Variants in PRKCE observed in about 807,000 individuals in gnomAD.
The protein encoded by PRKCE is protein kinase C epsilon.
In PRKCE, 16 loss-of-function variants were observed where a neutral mutation model predicts 85.4. That is an observed-to-expected ratio of 0.19 (90% CI 0.13 to 0.28). The LOEUF (loss-of-function observed/expected upper bound fraction) is 0.28. Among genes scored for constraint, PRKCE ranks in the 10% least tolerant of loss-of-function variants. The pLI is 1.00. For synonymous variants in PRKCE, 388 were observed against 371.5 expected (o/e 1.04, Z -0.51); for missense variants, 573 against 975.2 (o/e 0.59, Z 5.49).
At chr2:45,679,968 G>A (rs1676760343) in intron 1 of PRKCE, among the ~76,000 whole-genome samples, 1 of 152,212 alleles carries the variant, frequency 6.6e-6, no homozygotes, top group Non-Finnish European at 1.5e-5. Flanking sequence ...ATTTCATGAT[G>A]TTAGATCTGG....
At position 45,651,899 on chromosome 2, in the gene PRKCE, G is replaced by T. The variant is rs566684209; in HGVS notation, c.-202G>T. ...CAGCTCTCCCCCCTCCCTGTTTTCC[G>T]TTAGGAACCCGGCGAGGAAATACAT... is the stretch of plus-strand genomic sequence containing the variant. On this transcript the variant is annotated 5_prime_UTR_variant, in exon 1 of 15. Transcript: ENST00000306156. The T allele has an allele frequency of 2.9e-5, 14 of 489,358 alleles. No individual in the cohort carries two copies. The Admixed American group carries it at 4.1e-4, about 14-fold the overall frequency. 30.3% of individuals were successfully genotyped at this position (489,358 alleles called of 1,614,324 possible). A position where few individuals can be genotyped will look rare whatever the true frequency, so the allele number is the denominator to read the frequency against.
At chr2:45,872,832 G>T (rs928589822) in intron 2 of PRKCE, among the ~76,000 whole-genome samples, 8 of 152,206 alleles carry the variant, frequency 5.3e-5, no homozygotes, top group African/African-American at 1.9e-4. Flanking sequence ...AAATGGCTGT[G>T]GTGTTGGGGT....
intron 1 of PRKCE, among the ~76,000 whole-genome samples, chr2:45,696,058 T>G (rs1337284851): frequency 1.3e-5 from 2 of 151,670 alleles, no homozygotes; most frequent in South Asian, 2.1e-4. Context: ...TCATTTAGCA[T>G]TAGGTATATC....
At chr2:46,146,445 T>A (rs928637421) in intron 12 of PRKCE, among the ~76,000 whole-genome samples, 1 of 152,020 alleles carries the variant, frequency 6.6e-6, no homozygotes, top group Non-Finnish European at 1.5e-5. Flanking sequence ...CTAAAGGGAG[T>A]GATAGATAAG....
intron 5 of PRKCE, among the ~76,000 whole-genome samples, chr2:45,983,820 C>T (rs1574113594): frequency 1.3e-5 from 2 of 152,268 alleles, no homozygotes; most frequent in East Asian, 3.9e-4. Flanking sequence ...CCACAGTTTC[C>T]ACAACATTGT....
chr2:45,862,838 G>A (rs190254068), intron 2 of PRKCE, among the ~76,000 whole-genome samples: 72 of 152,338 alleles, frequency 4.7e-4, no homozygotes, highest in Non-Finnish European at 7.8e-4. Context: ...ATAATCACCT[G>A]CGCAGGGTGC....
At chr2:45,917,812 G>T (rs534127162) in intron 2 of PRKCE, among the ~76,000 whole-genome samples, 1 of 152,348 alleles carries the variant, frequency 6.6e-6, no homozygotes, top group South Asian at 2.1e-4. Flanking sequence ...CCCGAGCCCT[G>T]CCCCGCGGGA....
At chr2:45,669,617 G>T (rs988365308) in intron 1 of PRKCE, among the ~76,000 whole-genome samples, 2 of 152,236 alleles carry the variant, frequency 1.3e-5, no homozygotes, top group African/African-American at 4.8e-5. Flanking sequence ...ATCAGTTTCA[G>T]GGAGGGCAGG....
chr2:46,022,285 A>T (rs995322050), intron 10 of PRKCE, among the ~76,000 whole-genome samples: 19 of 152,288 alleles, frequency 1.2e-4, no homozygotes, highest in African/African-American at 4.3e-4. Context: ...GGGAGTTTCA[A>T]CTACATGACC....
intron 10 of PRKCE, among the ~76,000 whole-genome samples, chr2:46,047,224 C>T (rs1708580134): frequency 6.6e-6 from 1 of 152,140 alleles, no homozygotes; most frequent in Non-Finnish European, 1.5e-5. Context: ...TTGAACTGCC[C>T]TCCTTGTCTG....
chr2:45,672,358 CCATT>C (rs1676214050), intron 1 of PRKCE, among the ~76,000 whole-genome samples: 1 of 151,996 alleles, frequency 6.6e-6, no homozygotes, highest in Admixed American at 6.6e-5. Context: ...CTTCATTCAT[CCATT>C]CATTCATCCA....
intron 6 of PRKCE, among the ~76,000 whole-genome samples, chr2:46,000,725 G>T (rs1352683540): frequency 2.0e-5 from 3 of 152,082 alleles, no homozygotes; most frequent in African/African-American, 7.2e-5. Context: ...TGACTCTCAG[G>T]CTTGTCTGCT....
intron 10 of PRKCE, among the ~76,000 whole-genome samples, chr2:46,050,882 CA>C (rs1403744820): frequency 6.6e-6 from 1 of 152,178 alleles, no homozygotes; most frequent in Admixed American, 6.5e-5. Flanking sequence ...TCAGTGCCCA[CA>C]ATGGGCAGAA....
At chr2:46,015,692 A>C (rs1706073292) in intron 10 of PRKCE, among the ~76,000 whole-genome samples, 1 of 57,170 alleles carries the variant, frequency 1.7e-5, no homozygotes, top group East Asian at 6.2e-4. Context: ...ACACTAAACC[A>C]AAAAAAAAAA....
At chr2:45,904,715 C>T (rs1254917875) in intron 2 of PRKCE, among the ~76,000 whole-genome samples, 1 of 152,240 alleles carries the variant, frequency 6.6e-6, no homozygotes, top group Non-Finnish European at 1.5e-5. Flanking sequence ...TGGAAACCGT[C>T]TCCCCCGGTT....
At chr2:45,655,273 C>G (rs989039828) in intron 1 of PRKCE, among the ~76,000 whole-genome samples, 1 of 152,188 alleles carries the variant, frequency 6.6e-6, no homozygotes, top group Non-Finnish European at 1.5e-5. Flanking sequence ...GGCCTGTTAG[C>G]CACATGTGGC....
intron 10 of PRKCE, among the ~76,000 whole-genome samples, chr2:46,079,706 G>C (rs1481603248): frequency 2.0e-5 from 3 of 152,208 alleles, no homozygotes; most frequent in Admixed American, 2.0e-4. Context: ...CAGCTGACAG[G>C]TGATGGAGAA....
At chr2:45,982,367 C>G (rs1015648441) in intron 5 of PRKCE, among the ~76,000 whole-genome samples, 2 of 152,236 alleles carry the variant, frequency 1.3e-5, no homozygotes, top group Non-Finnish European at 2.9e-5. Flanking sequence ...ACCATGCTTT[C>G]AATGCCCTCC....
intron 1 of PRKCE, among the ~76,000 whole-genome samples, chr2:45,696,230 A>ATAGG (rs1306582928): frequency 6.6e-6 from 1 of 151,950 alleles, no homozygotes; most frequent in Non-Finnish European, 1.5e-5. Context: ...CAATGGGCCT[A>ATAGG]TAGGTGTGAG....
Sources: gnomAD v4.1 joint callset for allele counts (sites outside exome capture counted in the v4.1 genomes callset) on GRCh38, gnomAD v4.1.1 for gene constraint, MANE v1.5 for transcripts, NCBI Gene and HGNC (gene_info 2026-07-23, HGNC 2026-07-21) for gene names.